Variants in CDH18 observed in about 807,000 individuals in gnomAD.
The protein encoded by CDH18 is cadherin-18.
CDH18 carries 31 observed loss-of-function variants against 67.9 expected under a neutral mutation model. The ratio of observed to expected loss-of-function variants is 0.46; its 90% CI spans 0.34 to 0.62. The LOEUF (loss-of-function observed/expected upper bound fraction) is 0.62. Among genes scored for constraint, CDH18 ranks in the 20% least tolerant of loss-of-function variants. The probability of loss-of-function intolerance (pLI) is 0.01; values close to 1 mark genes in which losing one functional copy is unlikely to be tolerated. For missense variants in CDH18, 890 were observed against 975.5 expected, an observed-to-expected ratio of 0.91 and a Z score of 1.17; for synonymous variants, 362 against 347.2, an observed-to-expected ratio of 1.04 and a Z score of -0.48.
At chr5:19,583,406 T>TA (rs984899461) in intron 7 of CDH18, among the ~76,000 whole-genome samples, 1 of 152,016 alleles carries the variant, frequency 6.6e-6, no homozygotes, top group Non-Finnish European at 1.5e-5. Flanking sequence ...AACGTAAACT[T>TA]AAAAAAAGTC....
intron 5 of CDH18, among the ~76,000 whole-genome samples, chr5:19,701,591 C>A (rs978223825): frequency 1.1e-4 from 16 of 152,030 alleles, no homozygotes; most frequent in African/African-American, 3.6e-4. Context: ...CTGGTTCCCC[C>A]GAAGTCCTGT....
chr5:20,074,533 G>T (rs1448654171), intron 2 of CDH18, among the ~76,000 whole-genome samples: 2 of 152,114 alleles, frequency 1.3e-5, no homozygotes, highest in African/African-American at 4.8e-5. Flanking sequence ...AAATATATCT[G>T]CCTTTAAAAT....
intron 2 of CDH18, among the ~76,000 whole-genome samples, chr5:20,135,430 G>GGTT (rs1171361709): frequency 6.6e-6 from 1 of 151,968 alleles, no homozygotes. Flanking sequence ...TGGGATCGGT[G>GGTT]GTTATATACC....
chr5:19,679,379 C>T (rs1182784091), intron 5 of CDH18, among the ~76,000 whole-genome samples: 3 of 151,892 alleles, frequency 2.0e-5, no homozygotes, highest in Non-Finnish European at 1.5e-5. Flanking sequence ...AAAAATTCCC[C>T]TTGAAAACCA....
chr5:20,527,464 C>T, intron 1 of CDH18, among the ~76,000 whole-genome samples: 1 of 151,974 alleles, frequency 6.6e-6, no homozygotes, highest in East Asian at 1.9e-4. Context: ...TCATCAGATT[C>T]TCCAAGGTCA....
intron 8 of CDH18, among the ~76,000 whole-genome samples, chr5:19,564,867 C>T (rs1049211750): frequency 4.6e-5 from 7 of 151,552 alleles, no homozygotes; most frequent in African/African-American, 1.7e-4. Context: ...AGGCAGTGTT[C>T]AGCACAAGCT....
At chr5:20,453,852 T>C (rs894194660) in intron 1 of CDH18, among the ~76,000 whole-genome samples, 1 of 152,044 alleles carries the variant, frequency 6.6e-6, no homozygotes, top group South Asian at 2.1e-4. Context: ...TCCATAGCAA[T>C]TGGAAAGATT....
chr5:19,950,423 C>G (rs1379199569), intron 2 of CDH18, among the ~76,000 whole-genome samples: 1 of 151,998 alleles, frequency 6.6e-6, no homozygotes, highest in African/African-American at 2.4e-5. Flanking sequence ...GGTAGGTGTA[C>G]ACTGCTCAGG....
At chr5:20,003,693 C>T (rs1736636033) in intron 2 of CDH18, among the ~76,000 whole-genome samples, 1 of 152,058 alleles carries the variant, frequency 6.6e-6, no homozygotes, top group Non-Finnish European at 1.5e-5. Context: ...GAGATCGAGA[C>T]CATCCTGGCT....
intron 1 of CDH18, among the ~76,000 whole-genome samples, chr5:20,516,846 C>T (rs1336411649): frequency 6.6e-6 from 1 of 151,800 alleles, no homozygotes; most frequent in Non-Finnish European, 1.5e-5. Context: ...GGATTTACAA[C>T]CTCGTTTATT....
chr5:19,816,870 G>A (rs1258963634), intron 3 of CDH18, among the ~76,000 whole-genome samples: 4 of 151,718 alleles, frequency 2.6e-5, no homozygotes. Flanking sequence ...AGTCAAAAGA[G>A]TGCAAAGAAT....
chr5:20,020,637 G>T (rs1223421416), intron 2 of CDH18, among the ~76,000 whole-genome samples: 1 of 152,132 alleles, frequency 6.6e-6, no homozygotes, highest in Non-Finnish European at 1.5e-5. Context: ...TCCACATAGT[G>T]TTAAGCCTCT....
chr5:19,483,857 C>T (rs889907160), intron 11 of CDH18, among the ~76,000 whole-genome samples: 3 of 152,142 alleles, frequency 2.0e-5, no homozygotes, highest in Admixed American at 6.5e-5. Context: ...GGGATGCGGA[C>T]GGCCTGAAGT....
intron 1 of CDH18, among the ~76,000 whole-genome samples, chr5:20,324,223 T>C (rs573085190): frequency 2.3e-4 from 35 of 152,272 alleles, no homozygotes; most frequent in African/African-American, 8.4e-4. Context: ...TAATTATCTC[T>C]GAAAGCTGAG....
At chr5:19,761,845 T>C (rs1772395970) in intron 3 of CDH18, among the ~76,000 whole-genome samples, 1 of 152,078 alleles carries the variant, frequency 6.6e-6, no homozygotes, top group Non-Finnish European at 1.5e-5. Context: ...CAAACTATAC[T>C]ACAAGGCTAC....
intron 1 of CDH18, among the ~76,000 whole-genome samples, chr5:20,408,867 T>C (rs962938251): frequency 7.9e-5 from 12 of 151,636 alleles, no homozygotes; most frequent in African/African-American, 2.4e-4. Flanking sequence ...AATAATGAGA[T>C]GGAAAAAATA....
chr5:20,162,070 T>C (rs1735930045), intron 2 of CDH18, among the ~76,000 whole-genome samples: 1 of 152,136 alleles, frequency 6.6e-6, no homozygotes, highest in Non-Finnish European at 1.5e-5. Flanking sequence ...ACTGAAGTCT[T>C]AACTGTACTT....
intron 1 of CDH18, among the ~76,000 whole-genome samples, chr5:20,371,760 A>G (rs896545720): frequency 2.6e-5 from 4 of 152,232 alleles, no homozygotes; most frequent in African/African-American, 4.8e-5. Flanking sequence ...CCTTGAGAAC[A>G]AGACGGGTGA....
rs938628441 is a variant in CDH18 at position 19,938,122 on chromosome 5, G to C, written c.-257+42938C>G. On this transcript the variant is annotated intron_variant, in intron 2 of 12. Transcript: ENST00000382275. ...TGGTGTTTAAAAATAACTGAATTTAGAGATTTAGAGGGTGTATACTGTGAA... is the reference window on the plus strand; with the variant it reads ...TGGTGTTTAAAAATAACTGAATTTACAGATTTAGAGGGTGTATACTGTGAA... Among the ~76,000 whole-genome samples, 2 of 149,996 alleles carry C rather than the reference G, an allele frequency of 1.3e-5. 1 individual carries two copies. The highest frequency in any genetic ancestry group is 3.0e-5 in the Non-Finnish European group (2 of 67,160).
Sources: allele counts gnomAD v4.1 joint callset (sites outside exome capture counted in the v4.1 genomes callset), GRCh38; gene constraint gnomAD v4.1.1; transcripts MANE v1.5; gene names NCBI Gene and HGNC (gene_info 2026-07-23, HGNC 2026-07-21).